Variants in HERC3 observed in about 807,000 individuals in gnomAD.
HERC3 encodes HECT and RLD domain containing E3 ubiquitin protein ligase 3, also known as probable E3 ubiquitin-protein ligase HERC3.
Under a neutral mutation model 129.9 loss-of-function variants are expected in HERC3, and 58 were observed. The observed-to-expected ratio is 0.45, with a 90% CI of 0.36 to 0.56. The LOEUF (loss-of-function observed/expected upper bound fraction) is 0.56, where lower values mean the gene tolerates loss of function less well. Ranked by LOEUF, HERC3 falls within the 20% of genes least tolerant of loss-of-function variation. The probability of loss-of-function intolerance (pLI) is 0.00; values close to 1 mark genes in which losing one functional copy is unlikely to be tolerated. For synonymous variants in HERC3, 430 were observed against 451.0 expected, an observed-to-expected ratio of 0.95 and a Z score of 0.59; for missense variants, 835 against 1,244.2, an observed-to-expected ratio of 0.67 and a Z score of 4.95.
chr4:88,576,269 CCCTTGCCGTCT>C, the HERC3 span, among the ~76,000 whole-genome samples: 1 of 152,196 alleles, frequency 6.6e-6, no homozygotes, highest in Non-Finnish European at 1.5e-5. Flanking sequence ...TCCCCTTCCA[CCCTTGCCGTCT>C]TTCCAGGTGC....
At chr4:88,630,104 C>A (rs1304216840) in intron 3 of HERC3, among the ~76,000 whole-genome samples, 1 of 152,084 alleles carries the variant, frequency 6.6e-6, no homozygotes, top group African/African-American at 2.4e-5. Flanking sequence ...GAGAATAAAT[C>A]TTCTGTTTAT....
chr4:88,549,812 A>G, the HERC3 span, among the ~76,000 whole-genome samples: 3 of 151,656 alleles, frequency 2.0e-5, no homozygotes, highest in Non-Finnish European at 2.9e-5. Flanking sequence ...TCAAGCGATT[A>G]TCCTGCCTCA....
rs61744915 is a variant in HERC3, at chr4:88,681,276, G to A, written c.2458G>A (p.Val820Ile). 6.2e-6 allele frequency: 10 copies of A among 1,613,900 alleles called. No homozygotes were observed. In the African/African-American group the frequency reaches 1.2e-4, roughly 19 times the overall value. ...GGCTCTCTACAAGAAGTTACTCAAT[G>A]TAAAGCCTGGCTTGGAAGACTTAAA... is the stretch of plus-strand genomic sequence containing the variant. ...PLALYKKLLN[V>I]KPGLEDLKEL... is the part of the protein sequence containing the mutation. Residue 820 changes from valine to isoleucine, a missense_variant, in exon 21 of 26, where the codon GTA becomes ATA. Coordinates refer to ENST00000402738, the MANE Select transcript of HERC3 (RefSeq NM_014606.3).
intron 8 of HERC3, 67 bp downstream of exon 8, chr4:88,655,371 T>C: frequency 6.4e-7 from 1 of 1,557,606 alleles, no homozygotes. Context: ...TTTGTAGTGA[T>C]GAAGAATGTG....
chr4:88,655,023 T>G, intron 7 of HERC3, 151 bp from the exon 8 acceptor site: 1 of 589,620 alleles, frequency 1.7e-6, no homozygotes, highest in Non-Finnish European at 2.8e-6. Context: ...ATTTTTCTAT[T>G]TAATGAACAT....
intron 16 of HERC3, among the ~76,000 whole-genome samples, chr4:88,670,808 C>T (rs1434564831): frequency 6.6e-6 from 1 of 152,062 alleles, no homozygotes; most frequent in Non-Finnish European, 1.5e-5. Context: ...GACCTGTCTT[C>T]CCATATGACA....
upstream of HERC3, among the ~76,000 whole-genome samples, chr4:88,590,669 C>A (rs149559770): frequency 6.9e-4 from 105 of 152,326 alleles, no homozygotes; most frequent in African/African-American, 2.5e-3. Flanking sequence ...TGACACCTAA[C>A]AATAGGATCT....
At chr4:88,595,100 CAAAA>C in intron 1 of HERC3, among the ~76,000 whole-genome samples, 1 of 60,086 alleles carries the variant, frequency 1.7e-5, no homozygotes, top group Middle Eastern at 0.015. Context: ...GACTCTGTCT[CAAAA>C]AAAAAAAAAA....
intron 3 of HERC3, among the ~76,000 whole-genome samples, chr4:88,638,176 G>C (rs540916545): frequency 6.6e-6 from 1 of 152,182 alleles, no homozygotes; most frequent in Admixed American, 6.5e-5. Flanking sequence ...AGAGGAGCTG[G>C]TATCATTCCT....
At chr4:88,694,361 A>G (rs1451297291) in intron 23 of HERC3, among the ~76,000 whole-genome samples, 1 of 152,210 alleles carries the variant, frequency 6.6e-6, no homozygotes, top group Non-Finnish European at 1.5e-5. Context: ...GTTTATGACT[A>G]TTAACCCTTT....
At chr4:88,622,648 T>G (rs1219448509) in intron 3 of HERC3, among the ~76,000 whole-genome samples, 1 of 152,112 alleles carries the variant, frequency 6.6e-6, no homozygotes, top group East Asian at 1.9e-4. Flanking sequence ...TAGATCTGTT[T>G]GGCCGGGTGT....
intron 3 of HERC3, among the ~76,000 whole-genome samples, chr4:88,616,550 G>T (rs1469188072): frequency 3.3e-5 from 5 of 152,308 alleles, no homozygotes; most frequent in Middle Eastern, 3.4e-3. Flanking sequence ...AGCTGTGATG[G>T]GGGTGAATCT....
chr4:88,700,545 G>A (rs1248040987), intron 23 of HERC3, among the ~76,000 whole-genome samples: 2 of 152,118 alleles, frequency 1.3e-5, no homozygotes, highest in East Asian at 3.9e-4. Context: ...TTTCTATCAA[G>A]CTCCTCAAAA....
chr4:88,524,882 T>G, the HERC3 span: 2 of 152,206 alleles, frequency 1.3e-5, no homozygotes, highest in Non-Finnish European at 2.9e-5. Flanking sequence ...TTTCACACTT[T>G]GAGTTCCTGG....
At chr4:88,688,953 G>A (rs1733770548) in intron 23 of HERC3, among the ~76,000 whole-genome samples, 1 of 152,132 alleles carries the variant, frequency 6.6e-6, no homozygotes, top group Non-Finnish European at 1.5e-5. Flanking sequence ...GTAGGGGGTG[G>A]GAAAGGTGAG....
At chr4:88,632,792 A>G (rs1726918511) in intron 3 of HERC3, among the ~76,000 whole-genome samples, 2 of 152,188 alleles carry the variant, frequency 1.3e-5, no homozygotes, top group South Asian at 4.1e-4. Context: ...AAAGTCTAAT[A>G]TGTCTTTAGA....
intron 20 of HERC3, among the ~76,000 whole-genome samples, chr4:88,680,637 T>C (rs1350672952): frequency 6.6e-6 from 1 of 152,232 alleles, no homozygotes; most frequent in Non-Finnish European, 1.5e-5. Flanking sequence ...GAGCTAAGTT[T>C]TTAAAGGCGT....
the HERC3 span, among the ~76,000 whole-genome samples, chr4:88,525,151 A>G: frequency 6.6e-6 from 1 of 152,180 alleles, no homozygotes; most frequent in Admixed American, 6.5e-5. Context: ...TTAAGAGATA[A>G]TGAAAGTCTC....
intron 25 of HERC3, among the ~76,000 whole-genome samples, chr4:88,705,721 A>G (rs575849526): frequency 1.3e-5 from 2 of 152,342 alleles, no homozygotes; most frequent in Non-Finnish European, 2.9e-5. Flanking sequence ...GAAATTAGCT[A>G]GTGCATAGTA....
Sources: allele counts gnomAD v4.1 joint callset (sites outside exome capture counted in the v4.1 genomes callset), GRCh38; gene constraint gnomAD v4.1.1; transcripts MANE v1.5; gene names NCBI Gene and HGNC (gene_info 2026-07-23, HGNC 2026-07-21).